Variants in CDH2 observed in about 807,000 individuals in gnomAD.
CDH2 encodes cadherin-2.
Under a neutral mutation model 92.0 loss-of-function variants are expected in CDH2, and 17 were observed. The observed-to-expected ratio is 0.18, with a 90% CI of 0.13 to 0.28. CDH2 has a LOEUF of 0.28. Ranked by LOEUF, CDH2 falls within the 10% of genes least tolerant of loss-of-function variation. CDH2 has a pLI of 1.00. For synonymous variants in CDH2, 419 were observed against 415.9 expected (o/e 1.01, Z -0.09); for missense variants, 862 against 1,133.1 (o/e 0.76, Z 3.44).
At chr18:28,032,040 A>G (rs1281814733) in intron 2 of CDH2, among the ~76,000 whole-genome samples, 1 of 152,152 alleles carries the variant, frequency 6.6e-6, no homozygotes, top group Non-Finnish European at 1.5e-5. Flanking sequence ...GAAGTGGCAG[A>G]TAAAAGTGTT....
chr18:27,985,767 A>C lies in CDH2; in HGVS notation c.1742-6T>G. 6.6e-7 allele frequency: 1 copy of C among 1,526,160 alleles called. No individual in the cohort carries two copies. The highest frequency in any genetic ancestry group is 9.0e-7 in the Non-Finnish European group (1 of 1,105,932). 94.5% of individuals were successfully genotyped at this position (1,526,160 alleles called of 1,614,324 possible). ...TCCACTCATAGGAGGAATTCCTGAAAAGAGAGAAAAATCACAAATGATGCT... is the reference window on the plus strand; with the variant it reads ...TCCACTCATAGGAGGAATTCCTGAACAGAGAGAAAAATCACAAATGATGCT... On this transcript the variant is annotated splice_region_variant and splice_polypyrimidine_tract_variant and intron_variant, in intron 11 of 15. Transcript: ENST00000269141.
chr18:28,167,553 A>T (rs961872034), intron 1 of CDH2, among the ~76,000 whole-genome samples: 3 of 152,116 alleles, frequency 2.0e-5, no homozygotes, highest in Non-Finnish European at 2.9e-5. Context: ...GGTTTCACAA[A>T]GTATAAATGA....
chr18:28,173,744 G>A (rs948733283), intron 1 of CDH2, among the ~76,000 whole-genome samples: 4 of 152,082 alleles, frequency 2.6e-5, no homozygotes, highest in African/African-American at 9.7e-5. Context: ...ATGCAATTAA[G>A]ATGTGAACTA....
intron 6 of CDH2, among the ~76,000 whole-genome samples, chr18:27,934,090 C>T (rs144671105): frequency 8.3e-4 from 127 of 152,308 alleles, no homozygotes; most frequent in African/African-American, 2.7e-3. Flanking sequence ...AACAAATACA[C>T]GTAGGATAAA....
intron 15 of CDH2, among the ~76,000 whole-genome samples, chr18:27,956,779 C>T (rs1435719367): frequency 6.6e-6 from 1 of 152,068 alleles, no homozygotes; most frequent in Non-Finnish European, 1.5e-5. Flanking sequence ...TGCATGAACA[C>T]TTTAAAACAA....
chr18:28,101,844 A>G (rs2015232045), intron 2 of CDH2, among the ~76,000 whole-genome samples: 1 of 152,054 alleles, frequency 6.6e-6, no homozygotes. Flanking sequence ...AAACCACTTC[A>G]CCCTACAAAC....
At chr18:27,944,677 T>C (rs573019141) in intron 6 of CDH2, among the ~76,000 whole-genome samples, 3 of 150,252 alleles carry the variant, frequency 2.0e-5, no homozygotes, top group Non-Finnish European at 4.4e-5. Flanking sequence ...TCCCAGTGAT[T>C]TGAGAGGCTG....
intron 2 of CDH2, among the ~76,000 whole-genome samples, chr18:28,046,268 G>C (rs2014073271): frequency 6.6e-6 from 1 of 151,978 alleles, no homozygotes; most frequent in South Asian, 2.1e-4. Context: ...AGGAAATGTA[G>C]GCACTTCAAT....
At chr18:28,099,937 C>A (rs2015199536) in intron 2 of CDH2, among the ~76,000 whole-genome samples, 1 of 152,074 alleles carries the variant, frequency 6.6e-6, no homozygotes, top group African/African-American at 2.4e-5. Flanking sequence ...TTTTAACCAG[C>A]AAAAACAGAA....
rs5823568 is a variant in CDH2, at chr18:27,955,761, G to GTTTTTTTTTTTTTTTTTTTTTTTT, written c.2515-3403_2515-3402insAAAAAAAAAAAAAAAAAAAAAAAA. ...ACAAATCTCTGTTTTCTTTATTTCTGTTTTTTTTTTTTTTTTTTTAAAGAG... is the reference window on the plus strand; with the variant it reads ...ACAAATCTCTGTTTTCTTTATTTCTGTTTTTTTTTTTTTTTTTTTTTTTTTTTTTTTTTTTTTTTTTTTAAAGAG... On this transcript the variant is annotated intron_variant, in intron 15 of 15. Transcript: ENST00000269141. 2.6e-4 allele frequency among the ~76,000 whole-genome samples: 29 copies of GTTTTTTTTTTTTTTTTTTTTTTTT among 111,700 alleles called. 3 individuals carry two copies. Among genetic ancestry groups the GTTTTTTTTTTTTTTTTTTTTTTTT allele is most frequent in the African/African-American group, 7.5e-4 (21 of 28,110 alleles). The allele number at this position is 111,700 out of a possible 152,430, so 73.3% of individuals were successfully genotyped here. A position where few individuals can be genotyped will look rare whatever the true frequency, so the allele number is the denominator to read the frequency against.
intron 2 of CDH2, among the ~76,000 whole-genome samples, chr18:28,139,822 G>C (rs1369098387): frequency 6.6e-6 from 1 of 151,964 alleles, no homozygotes; most frequent in African/African-American, 2.4e-5. Context: ...GCTCCACAGT[G>C]ATTTTATTAC....
At chr18:28,076,074 A>G (rs1198236068) in intron 2 of CDH2, among the ~76,000 whole-genome samples, 3 of 152,196 alleles carry the variant, frequency 2.0e-5, no homozygotes. Context: ...TCAAAGCTTT[A>G]AAATGGAATG....
chr18:28,106,036 T>C (rs1651727675), intron 2 of CDH2, among the ~76,000 whole-genome samples: 1 of 152,250 alleles, frequency 6.6e-6, no homozygotes, highest in Admixed American at 6.5e-5. Flanking sequence ...ATTCACAAGT[T>C]CTCTGCTCAG....
chr18:28,062,954 C>T (rs2014432694), intron 2 of CDH2, among the ~76,000 whole-genome samples: 1 of 152,088 alleles, frequency 6.6e-6, no homozygotes, highest in African/African-American at 2.4e-5. Context: ...GCCTGGGTGA[C>T]AGATCATGAC....
chr18:28,159,459 T>G, intron 1 of CDH2, among the ~76,000 whole-genome samples: 1 of 152,152 alleles, frequency 6.6e-6, no homozygotes, highest in East Asian at 1.9e-4. Context: ...GGCTTACATT[T>G]CCCTCGGTTC....
intron 2 of CDH2, among the ~76,000 whole-genome samples, chr18:28,081,997 A>G (rs530895229): frequency 3.3e-5 from 5 of 152,332 alleles, no homozygotes; most frequent in East Asian, 1.9e-4. Context: ...AAGTCACATA[A>G]TAAGTCCAAG....
At chr18:27,966,560 A>C (rs1055430897) in intron 14 of CDH2, among the ~76,000 whole-genome samples, 5 of 152,190 alleles carry the variant, frequency 3.3e-5, no homozygotes, top group African/African-American at 1.2e-4. Flanking sequence ...ATAGGTCACC[A>C]ACATTTAGAC....
intron 2 of CDH2, among the ~76,000 whole-genome samples, chr18:28,075,078 C>A (rs1440237539): frequency 3.9e-5 from 6 of 152,122 alleles, no homozygotes; most frequent in African/African-American, 1.4e-4. Flanking sequence ...TTCACTCATT[C>A]TATAGTTTTG....
At chr18:28,014,652 A>C (rs987280317) in intron 2 of CDH2, among the ~76,000 whole-genome samples, 1 of 152,140 alleles carries the variant, frequency 6.6e-6, no homozygotes. Context: ...AGAAATTTTA[A>C]ATTAAAAAAA....
Sources: allele counts gnomAD v4.1 joint callset (sites outside exome capture counted in the v4.1 genomes callset), GRCh38; gene constraint gnomAD v4.1.1; transcripts MANE v1.5; gene names NCBI Gene and HGNC (gene_info 2026-07-23, HGNC 2026-07-21).